ST3GAL2: variants seen among roughly 807,000 people sequenced by gnomAD.
ST3GAL2 encodes CMP-N-acetylneuraminate-beta-galactosamide-alpha-2,3-sialyltransferase 2.
ST3GAL2 carries 16 observed loss-of-function variants against 37.5 expected under a neutral mutation model. That is an observed-to-expected ratio of 0.43 (90% confidence interval 0.29 to 0.65). The LOEUF is 0.65. Ranked by LOEUF, ST3GAL2 falls within the 30% of genes least tolerant of loss-of-function variation. ST3GAL2 has a pLI of 0.17. For synonymous variants in ST3GAL2, 238 were observed against 202.9 expected (o/e 1.17, Z -1.47); for missense variants, 383 against 487.8 (o/e 0.79, Z 2.02).
At chr16:70,390,027 C>A (rs1232794103) in intron 3 of ST3GAL2, among the ~76,000 whole-genome samples, 1 of 150,690 alleles carries the variant, frequency 6.6e-6, no homozygotes, top group South Asian at 2.1e-4. Flanking sequence ...ACCTCGTGAT[C>A]CGCCCACCTC....
At chr16:70,396,373 T>TG (rs1175872734) in intron 2 of ST3GAL2, among the ~76,000 whole-genome samples, 3 of 149,942 alleles carry the variant, frequency 2.0e-5, no homozygotes, top group Non-Finnish European at 4.4e-5. Flanking sequence ...GATGGGTTTG[T>TG]GGGTGAGCAG....
intron 2 of ST3GAL2, 31 bp downstream of exon 2, chr16:70,398,161 C>T: frequency 6.3e-7 from 1 of 1,598,490 alleles, no homozygotes; most frequent in South Asian, 1.1e-5. Flanking sequence ...AACTGGGGGA[C>T]AGATCCCTGG....
At chr16:70,406,722 G>C (rs373608267) in intron 1 of ST3GAL2, among the ~76,000 whole-genome samples, 1 of 151,254 alleles carries the variant, frequency 6.6e-6, no homozygotes, top group South Asian at 2.1e-4. Flanking sequence ...TGGAGGTTGC[G>C]GTGAGCCAAG....
chr16:70,395,390 C>T (rs1297400534), intron 2 of ST3GAL2, among the ~76,000 whole-genome samples: 2 of 152,234 alleles, frequency 1.3e-5, no homozygotes, highest in Non-Finnish European at 2.9e-5. Context: ...GAGTGAGTCT[C>T]AATGTCCAGA....
chr16:70,428,797 A>G (rs1432825304), intron 1 of ST3GAL2, among the ~76,000 whole-genome samples: 1 of 152,148 alleles, frequency 6.6e-6, no homozygotes, highest in Non-Finnish European at 1.5e-5. Flanking sequence ...CTCCTCACAG[A>G]TCTGCCACGT....
rs1567664203 is a variant in ST3GAL2, at chr16:70,381,818, G to C, written c.924C>G (p.His308Gln). 1.2e-6 allele frequency: 2 copies of C among 1,614,080 alleles called. No homozygotes were observed. ...CGTACCGGTTGTTCTCCCAGTAGTG[G>C]TGCCAGTTGCCCCGGCTGTCGGCCC... ...GFGADSRGNW[H>Q]HYWENNRYAG... Residue 308 changes from histidine to glutamine, a missense_variant, in exon 7 of 7, where the codon CAC becomes CAG. This residue lies in a region of ST3GAL2 where 160 missense variants were observed against 248.6 expected (regional missense o/e 0.64). Transcript: ENST00000342907.
intron 1 of ST3GAL2, among the ~76,000 whole-genome samples, chr16:70,426,581 G>A (rs1010713461): frequency 2.7e-5 from 4 of 149,980 alleles, no homozygotes; most frequent in Admixed American, 6.7e-5. Flanking sequence ...GCGCAATCTC[G>A]GCTCACCACA....
chr16:70,429,588 CAAAAAAA>C (rs1173306093), intron 1 of ST3GAL2, among the ~76,000 whole-genome samples: 1 of 36,064 alleles, frequency 2.8e-5, no homozygotes, highest in African/African-American at 9.6e-5. Flanking sequence ...GACTCTGTCT[CAAAAAAA>C]AAAAAAAAAA....
chr16:70,392,188 G>A (rs2047486347), intron 3 of ST3GAL2, among the ~76,000 whole-genome samples: 1 of 152,230 alleles, frequency 6.6e-6, no homozygotes, highest in Non-Finnish European at 1.5e-5. Context: ...AAACATCTGG[G>A]AATGAAGGGA....
Position 70,399,191 on chromosome 16 carries a change from G to A in ST3GAL2, c.-661C>T. On this transcript the variant is annotated 5_prime_UTR_variant, in exon 2 of 7. Transcript: ENST00000342907. ...AGAGATCGAGATCCTTTCCGCAGTA[G>A]GTCTTGCCCTTCTGCTTCCCATCTG... The A allele has an allele frequency of 2.5e-6, 1 of 398,880 alleles. No homozygotes were observed. The highest frequency in any genetic ancestry group is 4.4e-6 in the Non-Finnish European group (1 of 226,250). The allele number at this position is 398,880 out of a possible 1,614,324, so 24.7% of individuals were successfully genotyped here.
intron 3 of ST3GAL2, 87 bp from the exon 4 acceptor site, chr16:70,388,633 A>C: frequency 6.8e-7 from 1 of 1,461,732 alleles, no homozygotes; most frequent in Non-Finnish European, 9.2e-7. Flanking sequence ...CCATCCATCA[A>C]AAATGCAAAC....
At position 70,383,232 on chromosome 16, in the gene ST3GAL2, G is replaced by C. The variant is rs1487138347; in HGVS notation, c.717C>G (p.Thr239=). 8 of 1,604,078 alleles carry C rather than the reference G, an allele frequency of 5.0e-6. No individual in the cohort carries two copies. Residue 239 remains threonine, a synonymous_variant, in exon 5 of 7, where the codon ACC becomes ACG. Coordinates refer to ENST00000342907, the MANE Select transcript of ST3GAL2 (RefSeq NM_006927.4). ...SALSTGQIRF[T]YAPVKSFLRV... Reference sequence around the variant, plus strand: ...GAAGGAAGGACTTCACTGGGGCGTAGGTGCTGTAAGCAAAAAGAAAGAAAG... The same window carrying C: ...GAAGGAAGGACTTCACTGGGGCGTACGTGCTGTAAGCAAAAAGAAAGAAAG...
intron 1 of ST3GAL2, among the ~76,000 whole-genome samples, chr16:70,425,520 G>A (rs556970920): frequency 1.3e-5 from 2 of 152,144 alleles, no homozygotes; most frequent in Admixed American, 1.3e-4. Context: ...TTGACCCATG[G>A]AGACCATGCT....
Position 70,381,400 on chromosome 16 carries a change from G to T in ST3GAL2, c.*289C>A, listed in dbSNP as rs894839998. 2.4e-6 allele frequency: 1 copy of T among 418,168 alleles called. No individual in the cohort carries two copies. The highest frequency in any genetic ancestry group is 2.0e-5 in the African/African-American group (1 of 49,124). 25.9% of individuals were successfully genotyped at this position (418,168 alleles called of 1,614,324 possible). ...CCTAACCCAAAGCATGAGGGAGTGG[G>T]GATTGAGCGGCCGCTGGCCCGCCCC... On this transcript the variant is annotated 3_prime_UTR_variant, in exon 7 of 7. Coordinates refer to ENST00000342907, the MANE Select transcript of ST3GAL2 (RefSeq NM_006927.4).
intron 1 of ST3GAL2, among the ~76,000 whole-genome samples, chr16:70,402,112 C>G (rs1482157526): frequency 1.3e-5 from 2 of 150,616 alleles, no homozygotes; most frequent in African/African-American, 2.4e-5. Flanking sequence ...CCAGCCTGAC[C>G]AACGTGAAGA....
intron 1 of ST3GAL2, among the ~76,000 whole-genome samples, chr16:70,412,452 T>TG (rs1194062714): frequency 6.6e-6 from 1 of 152,058 alleles, no homozygotes; most frequent in Non-Finnish European, 1.5e-5. Context: ...GAGACCAACC[T>TG]GGGCAACACG....
chr16:70,395,213 G>T (rs763261374), intron 2 of ST3GAL2, 38 bp from the exon 3 acceptor site: 2 of 1,571,502 alleles, frequency 1.3e-6, no homozygotes, highest in East Asian at 2.3e-5. Flanking sequence ...CGAGGAAGGG[G>T]AGAGGTGTGT....
At chr16:70,404,018 G>A (rs1175914297) in intron 1 of ST3GAL2, among the ~76,000 whole-genome samples, 1 of 152,066 alleles carries the variant, frequency 6.6e-6, no homozygotes, top group Non-Finnish European at 1.5e-5. Flanking sequence ...AAGTTTTTTA[G>A]ACATCCACAT....
chr16:70,424,402 G>A (rs186059247), intron 1 of ST3GAL2, among the ~76,000 whole-genome samples: 12,191 of 147,720 alleles, frequency 0.083, 1,643 homozygotes, highest in African/African-American at 0.28. Context: ...GGGAGTTCGA[G>A]ACCAGCCTGA....
Sources: gnomAD v4.1 joint callset for allele counts (sites outside exome capture counted in the v4.1 genomes callset) on GRCh38, gnomAD v4.1.1 for gene constraint, gnomAD v4.1.1 regional missense constraint, MANE v1.5 for transcripts, NCBI Gene and HGNC (gene_info 2026-07-23, HGNC 2026-07-21) for gene names.